Variants in PSD3 observed in about 807,000 individuals in gnomAD.
The protein encoded by PSD3 is pleckstrin and Sec7 domain containing 3.
A neutral mutation model predicts 105.5 loss-of-function variants in PSD3; 49 were observed. The observed-to-expected ratio is 0.46, with a 90% CI of 0.37 to 0.59. The LOEUF (loss-of-function observed/expected upper bound fraction) is 0.59. Ranked by LOEUF, PSD3 falls within the 20% of genes least tolerant of loss-of-function variation. The pLI is 0.00. For synonymous variants in PSD3, 557 were observed against 457.8 expected (o/e 1.22, Z -2.77); for missense variants, 1,561 against 1,263.8 (o/e 1.24, Z -3.57).
intron 3 of PSD3, among the ~76,000 whole-genome samples, chr8:18,870,533 T>G: frequency 6.6e-6 from 1 of 151,254 alleles, no homozygotes; most frequent in South Asian, 2.1e-4. Context: ...CCTGTCGGGG[T>G]GTTGGGGGCT....
intron 1 of PSD3, among the ~76,000 whole-genome samples, chr8:18,943,319 G>C (rs1183174563): frequency 6.6e-6 from 1 of 152,070 alleles, no homozygotes; most frequent in Non-Finnish European, 1.5e-5. Flanking sequence ...AATCACTGTT[G>C]TTTATTTCTG....
At chr8:18,866,298 C>T (rs1269203346) in intron 4 of PSD3, among the ~76,000 whole-genome samples, 1 of 152,230 alleles carries the variant, frequency 6.6e-6, no homozygotes, top group Non-Finnish European at 1.5e-5. Flanking sequence ...CAGTACTCTT[C>T]CACTGAGAGA....
At chr8:18,680,482 C>G (rs547851210) in intron 9 of PSD3, among the ~76,000 whole-genome samples, 19 of 152,252 alleles carry the variant, frequency 1.2e-4, no homozygotes, top group African/African-American at 4.6e-4. Flanking sequence ...GTAACTCTTC[C>G]AATAACAGAC....
chr8:18,605,278 C>T (rs557126591), intron 11 of PSD3, among the ~76,000 whole-genome samples: 1 of 151,988 alleles, frequency 6.6e-6, no homozygotes, highest in Non-Finnish European at 1.5e-5. Flanking sequence ...ACCAGTGTGC[C>T]CTGGATGTTA....
intron 1 of PSD3, among the ~76,000 whole-genome samples, chr8:19,040,911 G>C (rs1159014114): frequency 6.6e-6 from 1 of 151,942 alleles, no homozygotes; most frequent in African/African-American, 2.4e-5. Flanking sequence ...TTGTTTATTT[G>C]AGACAGGGTC....
chr8:18,647,356 G>A (rs1271493443), intron 10 of PSD3, among the ~76,000 whole-genome samples: 2 of 152,202 alleles, frequency 1.3e-5, no homozygotes, highest in African/African-American at 2.4e-5. Context: ...ATATGTGAGG[G>A]CAGATGGGAA....
At position 18,989,055 on chromosome 8, in the gene PSD3, G is replaced by A. The variant is rs145016148; in HGVS notation, c.21+24508C>T. On this transcript the variant is annotated intron_variant, in intron 1 of 15. Coordinates refer to ENST00000327040, the MANE Select transcript of PSD3 (RefSeq NM_015310.4). The stretch of plus-strand genomic sequence containing the variant: ...TTCCGTAGGTATTCTTTTTTCAGAC[G>A]GCCTCTATTCAATTCCTCCAGTTTT... Among the ~76,000 whole-genome samples, 25 of 152,128 alleles carry A rather than the reference G, an allele frequency of 1.6e-4. No homozygotes were observed. In the East Asian group the frequency reaches 2.3e-3, roughly 14 times the overall value.
intron 9 of PSD3, among the ~76,000 whole-genome samples, chr8:18,722,309 T>A (rs896286386): frequency 6.6e-6 from 1 of 152,152 alleles, no homozygotes; most frequent in African/African-American, 2.4e-5. Context: ...CACTCACCCT[T>A]ACCTTTGCTC....
At chr8:18,969,450 G>A (rs17127550) in intron 1 of PSD3, among the ~76,000 whole-genome samples, 10,442 of 152,194 alleles carry the variant, frequency 0.069, 874 homozygotes, top group African/African-American at 0.2. Flanking sequence ...AAAAGTTCTG[G>A]GTGACAGGGG....
intron 9 of PSD3, among the ~76,000 whole-genome samples, chr8:18,736,527 C>G (rs959273125): frequency 6.6e-6 from 1 of 151,984 alleles, no homozygotes; most frequent in East Asian, 1.9e-4. Context: ...TTTATTAATC[C>G]TACATTCAGT....
At chr8:18,787,769 G>A (rs1332783817) in intron 8 of PSD3, among the ~76,000 whole-genome samples, 1 of 152,160 alleles carries the variant, frequency 6.6e-6, no homozygotes, top group Non-Finnish European at 1.5e-5. Flanking sequence ...TTAGAGCAAA[G>A]TTCCTTGATA....
chr8:18,710,108 A>G (rs1351291848), intron 9 of PSD3, among the ~76,000 whole-genome samples: 2 of 152,194 alleles, frequency 1.3e-5, no homozygotes, highest in African/African-American at 4.8e-5. Context: ...GAAACACTAC[A>G]GGACCTGTTA....
intron 8 of PSD3, among the ~76,000 whole-genome samples, chr8:18,787,884 T>C (rs17127182): frequency 0.011 from 1,645 of 152,310 alleles, 34 homozygotes; most frequent in African/African-American, 0.038. Context: ...CTCTAGCAGG[T>C]TTCGTGAACT....
At chr8:18,847,915 A>G (rs566733611) in intron 4 of PSD3, among the ~76,000 whole-genome samples, 1 of 152,340 alleles carries the variant, frequency 6.6e-6, no homozygotes, top group South Asian at 2.1e-4. Flanking sequence ...TGGGCTGCAG[A>G]AACAATCGGG....
chr8:18,828,069 T>TATATATATATATATATATATATA (rs534987630), intron 4 of PSD3, among the ~76,000 whole-genome samples: 2 of 97,930 alleles, frequency 2.0e-5, no homozygotes, highest in South Asian at 7.3e-4. Context: ...ATATATATAT[T>TATATATATATATATATATATATA]TTTTTTTTTT....
chr8:18,790,305 CTT>C (rs772350691), intron 8 of PSD3, among the ~76,000 whole-genome samples: 10 of 133,350 alleles, frequency 7.5e-5, no homozygotes, highest in Admixed American at 7.5e-5. Flanking sequence ...TTTTTCTTTT[CTT>C]TTTTTTTTTT....
intron 14 of PSD3, among the ~76,000 whole-genome samples, chr8:18,561,774 G>A (rs755771646): frequency 6.6e-6 from 1 of 151,922 alleles, no homozygotes; most frequent in Non-Finnish European, 1.5e-5. Context: ...AAAATATTAA[G>A]CTCTAATGTC....
chr8:18,633,634 A>T (rs1442087249), intron 10 of PSD3, among the ~76,000 whole-genome samples: 1 of 152,038 alleles, frequency 6.6e-6, no homozygotes, highest in East Asian at 1.9e-4. Flanking sequence ...GTGTGTATGT[A>T]CCATATTTTC....
chr8:18,561,820 C>A (rs894987858), intron 14 of PSD3, among the ~76,000 whole-genome samples: 2 of 152,094 alleles, frequency 1.3e-5, no homozygotes, highest in Non-Finnish European at 2.9e-5. Context: ...ACTGATCAGG[C>A]AATGGGAACA....
Sources: gnomAD v4.1 joint callset for allele counts (sites outside exome capture counted in the v4.1 genomes callset) on GRCh38, gnomAD v4.1.1 for gene constraint, MANE v1.5 for transcripts, NCBI Gene and HGNC (gene_info 2026-07-23, HGNC 2026-07-21) for gene names.